The following KIAA0825 variants were observed in gnomAD, a reference collection of about 807,000 sequenced individuals.
KIAA0825 encodes the protein uncharacterized protein KIAA0825.
A neutral mutation model predicts 147.6 loss-of-function variants in KIAA0825; 119 were observed. That is an observed-to-expected ratio of 0.81 (90% CI 0.69 to 0.94). KIAA0825 has a LOEUF of 0.94. Ranked by LOEUF, KIAA0825 falls within the 40% of genes least tolerant of loss-of-function variation. The pLI, the probability that KIAA0825 is intolerant of heterozygous loss-of-function variation, is 0.00. For synonymous variants in KIAA0825, 470 were observed against 518.1 expected, an observed-to-expected ratio of 0.91 and a Z score of 1.26; for missense variants, 1,381 against 1,472.7, an observed-to-expected ratio of 0.94 and a Z score of 1.02.
intron 1 of KIAA0825, among the ~76,000 whole-genome samples, chr5:94,616,397 GAAACTATGTGATA>G (rs144704709): frequency 0.081 from 12,391 of 152,154 alleles, 554 homozygotes; most frequent in South Asian, 0.12. Flanking sequence ...GCATATTCCT[GAAACTATGTGATA>G]ATCCCCATCT....
At chr5:94,297,783 A>G (rs574653187) in intron 20 of KIAA0825, among the ~76,000 whole-genome samples, 1 of 151,644 alleles carries the variant, frequency 6.6e-6, no homozygotes, top group East Asian at 2.0e-4. Context: ...TTTAGTAGAG[A>G]TAAGGTTTCA....
At chr5:94,227,526 A>T (rs2150077534) in intron 20 of KIAA0825, among the ~76,000 whole-genome samples, 1 of 152,114 alleles carries the variant, frequency 6.6e-6, no homozygotes, top group Non-Finnish European at 1.5e-5. Context: ...GTGCACATGT[A>T]CCCTAAAACT....
chr5:94,426,553 T>C (rs1201919261), intron 14 of KIAA0825, among the ~76,000 whole-genome samples: 3 of 152,164 alleles, frequency 2.0e-5, no homozygotes, highest in Non-Finnish European at 2.9e-5. Flanking sequence ...AGGCTTGGAA[T>C]AGCGTGCGGG....
intron 20 of KIAA0825, among the ~76,000 whole-genome samples, chr5:94,353,556 T>G (rs1783927857): frequency 6.6e-6 from 1 of 152,162 alleles, no homozygotes; most frequent in Non-Finnish European, 1.5e-5. Flanking sequence ...TAACTGAAAA[T>G]TATTTACCAC....
intron 5 of KIAA0825, among the ~76,000 whole-genome samples, chr5:94,515,373 G>A (rs893587195): frequency 6.6e-6 from 1 of 152,084 alleles, no homozygotes; most frequent in African/African-American, 2.4e-5. Flanking sequence ...TCCAAATTAG[G>A]TTATAATCAA....
chr5:94,433,395 T>C (rs1298605936), intron 14 of KIAA0825, among the ~76,000 whole-genome samples: 14 of 152,232 alleles, frequency 9.2e-5, no homozygotes, highest in Admixed American at 5.9e-4. Flanking sequence ...TTTCTCTAGA[T>C]ATTTTTCTTT....
Position 94,251,442 on chromosome 5 carries a change from C to T in KIAA0825, c.3711-97318G>A, listed in dbSNP as rs904615380. 5.9e-5 allele frequency among the ~76,000 whole-genome samples: 9 copies of T among 152,006 alleles called. No individual in the cohort carries two copies. In the East Asian group the frequency reaches 7.7e-4, roughly 13 times the overall value. ...TCTTGTTTATTAGATGCAAGGTAGC[C>T]GCTTATCCCTAAAGGCCATGTATGC... On this transcript the variant is annotated intron_variant, in intron 20 of 20. Transcript: ENST00000682413.
At chr5:94,574,981 A>G (rs1463470884) in intron 2 of KIAA0825, among the ~76,000 whole-genome samples, 1 of 152,162 alleles carries the variant, frequency 6.6e-6, no homozygotes, top group Non-Finnish European at 1.5e-5. Flanking sequence ...ACTACCATCA[A>G]CTGGGGGCCC....
chr5:94,325,548 G>A (rs1364438278), intron 20 of KIAA0825, among the ~76,000 whole-genome samples: 1 of 151,848 alleles, frequency 6.6e-6, no homozygotes, highest in Non-Finnish European at 1.5e-5. Flanking sequence ...ACATGTTGAT[G>A]TATGTATCAA....
At chr5:94,196,096 G>A (rs562355227) in intron 20 of KIAA0825, among the ~76,000 whole-genome samples, 1 of 152,234 alleles carries the variant, frequency 6.6e-6, no homozygotes, top group East Asian at 1.9e-4. Context: ...GGGGATATAC[G>A]GACCTCGGCT....
At chr5:94,168,273 C>T (rs2149940326) in intron 20 of KIAA0825, among the ~76,000 whole-genome samples, 1 of 152,156 alleles carries the variant, frequency 6.6e-6, no homozygotes, top group South Asian at 2.1e-4. Flanking sequence ...ATTCAAATGA[C>T]TGTTCTTTTG....
chr5:94,434,519 A>G (rs933766619), intron 14 of KIAA0825, among the ~76,000 whole-genome samples: 3 of 152,224 alleles, frequency 2.0e-5, no homozygotes, highest in African/African-American at 4.8e-5. Flanking sequence ...ACGATGCAAT[A>G]AATCCCATAT....
intron 13 of KIAA0825, among the ~76,000 whole-genome samples, chr5:94,450,426 G>T (rs978998834): frequency 6.7e-6 from 1 of 148,994 alleles, no homozygotes; most frequent in Non-Finnish European, 1.5e-5. Flanking sequence ...ATTTTGTGCT[G>T]CCATAAAAGA....
chr5:94,533,914 G>A (rs1449837200), intron 3 of KIAA0825, among the ~76,000 whole-genome samples: 1 of 152,172 alleles, frequency 6.6e-6, no homozygotes, highest in African/African-American at 2.4e-5. Context: ...TGACCTTTGG[G>A]CACACTGGTC....
chr5:94,397,159 G>C (rs73142986), intron 16 of KIAA0825, among the ~76,000 whole-genome samples: 1 of 152,094 alleles, frequency 6.6e-6, no homozygotes. Flanking sequence ...TATAAGCTCT[G>C]AGAAGGCATT....
intron 2 of KIAA0825, among the ~76,000 whole-genome samples, chr5:94,549,146 T>C (rs1004196376): frequency 1.3e-5 from 2 of 152,152 alleles, no homozygotes; most frequent in African/African-American, 4.8e-5. Flanking sequence ...TCAGTGTATT[T>C]CGCTCCTCAG....
chr5:94,455,046 C>T (rs1337936126), intron 12 of KIAA0825, among the ~76,000 whole-genome samples: 1 of 152,036 alleles, frequency 6.6e-6, no homozygotes, highest in African/African-American at 2.4e-5. Context: ...TGCGGACATC[C>T]GAAGTACATC....
rs561464568 is a variant in KIAA0825, at chr5:94,443,832, G to A, written c.2358-3711C>T. Among the ~76,000 whole-genome samples the A allele has an allele frequency of 7.9e-5, 12 of 152,336 alleles. No individual in the cohort carries two copies. The East Asian group carries it at 2.3e-3, about 29-fold the overall frequency. ...GCTTGGGCCAAGAGAAGGCTCTGCAGTAGGGTTCACACTGGGATATGAGTA... is the reference window on the plus strand; with the variant it reads ...GCTTGGGCCAAGAGAAGGCTCTGCAATAGGGTTCACACTGGGATATGAGTA... On this transcript the variant is annotated intron_variant, in intron 13 of 20. Transcript: ENST00000682413.
intron 1 of KIAA0825, among the ~76,000 whole-genome samples, chr5:94,594,949 G>T (rs1321273105): frequency 6.6e-6 from 1 of 151,836 alleles, no homozygotes; most frequent in Non-Finnish European, 1.5e-5. Context: ...GCATGCTGAT[G>T]TAAGAGGTGG....
Sources: gnomAD v4.1 joint callset for allele counts (sites outside exome capture counted in the v4.1 genomes callset) on GRCh38, gnomAD v4.1.1 for gene constraint, MANE v1.5 for transcripts, NCBI Gene and HGNC (gene_info 2026-07-23, HGNC 2026-07-21) for gene names.